The following RYR2 variants were observed in gnomAD, a reference collection of about 807,000 sequenced individuals.
The protein encoded by RYR2 is ryanodine receptor 2.
RYR2 carries 227 observed loss-of-function variants against 601.1 expected under a neutral mutation model. The observed-to-expected ratio is 0.38, with a 90% CI of 0.34 to 0.42. The LOEUF (loss-of-function observed/expected upper bound fraction) is 0.42. RYR2 is among the 10% of genes least tolerant of loss of function. RYR2 has a pLI of 1.00. For synonymous variants in RYR2, 2,223 were observed against 2,175.1 expected, an observed-to-expected ratio of 1.02 and a Z score of -0.61; for missense variants, 4,646 against 6,156.5, an observed-to-expected ratio of 0.75 and a Z score of 8.21.
intron 3 of RYR2, among the ~76,000 whole-genome samples, chr1:237,337,949 C>T (rs1030692515): frequency 6.6e-6 from 1 of 152,136 alleles, no homozygotes; most frequent in Non-Finnish European, 1.5e-5. Context: ...TGGCTAAAAT[C>T]AGGGTGTTGG....
intron 29 of RYR2, among the ~76,000 whole-genome samples, chr1:237,584,141 C>A (rs12139647): frequency 6.6e-6 from 1 of 152,000 alleles, no homozygotes; most frequent in South Asian, 2.1e-4. Flanking sequence ...ACACAAAGGA[C>A]AGGAAGGTGG....
chr1:237,201,196 G>T (rs1164980907), intron 1 of RYR2, among the ~76,000 whole-genome samples: 2 of 152,202 alleles, frequency 1.3e-5, no homozygotes, highest in Non-Finnish European at 2.9e-5. Flanking sequence ...TCTGTCATTA[G>T]CTTCCTCAGT....
chr1:237,717,500 C>G, intron 72 of RYR2, 132 bp downstream of exon 72: 1 of 731,930 alleles, frequency 1.4e-6, no homozygotes, highest in Non-Finnish European at 2.0e-6. Context: ...GTTTTCTAGA[C>G]AGGCCCAAGA....
At chr1:237,828,093 A>G (rs1226130440) in intron 101 of RYR2, among the ~76,000 whole-genome samples, 1 of 152,190 alleles carries the variant, frequency 6.6e-6, no homozygotes, top group Non-Finnish European at 1.5e-5. Context: ...TGAAGTATGT[A>G]ATAACATCTG....
intron 1 of RYR2, among the ~76,000 whole-genome samples, chr1:237,090,386 G>A (rs1275006812): frequency 6.6e-6 from 1 of 152,120 alleles, no homozygotes; most frequent in Non-Finnish European, 1.5e-5. Flanking sequence ...ATCATGAGAG[G>A]ATTACATGAG....
chr1:237,795,438 A>AT, intron 96 of RYR2, 107 bp downstream of exon 96: 4 of 571,286 alleles, frequency 7.0e-6, no homozygotes, highest in Non-Finnish European at 1.2e-5. Flanking sequence ...TTATCTGCCT[A>AT]TTAATGTCTC....
At chr1:237,299,261 T>C (rs1267200935) in intron 2 of RYR2, among the ~76,000 whole-genome samples, 2 of 152,104 alleles carry the variant, frequency 1.3e-5, no homozygotes, top group Non-Finnish European at 2.9e-5. Context: ...CATGGTAGAA[T>C]TAAGAGTTAT....
intron 2 of RYR2, among the ~76,000 whole-genome samples, chr1:237,316,508 C>G (rs1480344030): frequency 1.3e-5 from 2 of 152,138 alleles, no homozygotes; most frequent in Admixed American, 6.6e-5. Flanking sequence ...CTATTTGACC[C>G]ACATACTGTG....
At chr1:237,547,255 G>A (rs546277339) in intron 25 of RYR2, among the ~76,000 whole-genome samples, 6 of 151,502 alleles carry the variant, frequency 4.0e-5, no homozygotes, top group Non-Finnish European at 2.9e-5. Flanking sequence ...ATCCACCCAC[G>A]TTGGCCTCCC....
chr1:237,347,481 G>A (rs1698405277), intron 3 of RYR2, among the ~76,000 whole-genome samples: 1 of 152,168 alleles, frequency 6.6e-6, no homozygotes, highest in African/African-American at 2.4e-5. Flanking sequence ...TTAATGAAAA[G>A]TATATAATGT....
At chr1:237,080,901 C>A (rs1277591542) in intron 1 of RYR2, among the ~76,000 whole-genome samples, 2 of 62,256 alleles carry the variant, frequency 3.2e-5, no homozygotes, top group East Asian at 7.3e-4. Context: ...CAATGATAGA[C>A]TGGATTAAGA....
At chr1:237,386,989 A>C (rs1558731638) in intron 8 of RYR2, among the ~76,000 whole-genome samples, 1 of 152,248 alleles carries the variant, frequency 6.6e-6, no homozygotes, top group Non-Finnish European at 1.5e-5. Flanking sequence ...AACCATCGTT[A>C]AAACAAAAAT....
chr1:237,083,460 C>T (rs972921526), intron 1 of RYR2, among the ~76,000 whole-genome samples: 3 of 152,116 alleles, frequency 2.0e-5, no homozygotes, highest in African/African-American at 4.8e-5. Context: ...GAGGGCTAAG[C>T]TCCTTTTTTG....
chr1:237,325,876 A>C (rs1696124770), intron 2 of RYR2, among the ~76,000 whole-genome samples: 1 of 152,156 alleles, frequency 6.6e-6, no homozygotes, highest in African/African-American at 2.4e-5. Context: ...AAAATATGAA[A>C]TAGTGTGCAT....
intron 72 of RYR2, among the ~76,000 whole-genome samples, chr1:237,717,941 C>A (rs144280003): frequency 6.6e-6 from 1 of 152,168 alleles, no homozygotes. Context: ...ATTCTCCATT[C>A]CACATTGAAT....
chr1:237,607,199 A>C (rs1230052841), intron 35 of RYR2, among the ~76,000 whole-genome samples: 1 of 152,222 alleles, frequency 6.6e-6, no homozygotes, highest in South Asian at 2.1e-4. Context: ...GTTAGACTGG[A>C]TTAAGAAAAT....
At chr1:237,785,074 C>A (rs1445339549) in intron 90 of RYR2, 102 bp downstream of exon 90, 3 of 851,226 alleles carry the variant, frequency 3.5e-6, no homozygotes, top group Non-Finnish European at 3.8e-6. Flanking sequence ...AACGGTGTTA[C>A]CTATGTGACT....
At chr1:237,290,382 C>T (rs1288846099) in intron 2 of RYR2, among the ~76,000 whole-genome samples, 2 of 152,088 alleles carry the variant, frequency 1.3e-5, no homozygotes, top group East Asian at 3.9e-4. Flanking sequence ...ACTGCAGAGA[C>T]TTGCAAATGT....
intron 1 of RYR2, among the ~76,000 whole-genome samples, chr1:237,264,627 G>A (rs1022580686): frequency 6.6e-6 from 1 of 151,920 alleles, no homozygotes; most frequent in African/African-American, 2.4e-5. Context: ...TTATATACCT[G>A]ACATTATGCT....
Sources: gnomAD v4.1 joint callset for allele counts (sites outside exome capture counted in the v4.1 genomes callset) on GRCh38, gnomAD v4.1.1 for gene constraint, MANE v1.5 for transcripts, NCBI Gene and HGNC (gene_info 2026-07-23, HGNC 2026-07-21) for gene names.